GRIA3: variants seen among roughly 807,000 people sequenced by gnomAD.
GRIA3 encodes the protein glutamate receptor 3.
In GRIA3, 3 loss-of-function variants were observed where a neutral mutation model predicts 63.0. The ratio of observed to expected loss-of-function variants is 0.05; its 90% CI spans 0.02 to 0.12. The LOEUF (loss-of-function observed/expected upper bound fraction) is 0.12. GRIA3 is among the 10% of genes least tolerant of loss of function. The probability of loss-of-function intolerance (pLI) is 1.00; values close to 1 mark genes in which losing one functional copy is unlikely to be tolerated. For synonymous variants in GRIA3, 274 were observed against 257.9 expected, an observed-to-expected ratio of 1.06 and a Z score of -0.60; for missense variants, 347 against 700.9, an observed-to-expected ratio of 0.50 and a Z score of 5.70.
intron 2 of GRIA3, among the ~76,000 whole-genome samples, chrX:123,198,716 C>A (rs923622446): frequency 8.9e-6 from 1 of 111,956 alleles, no homozygotes; most frequent in Non-Finnish European, 1.9e-5. Context: ...CCTAATCATG[C>A]CACCATTAAG....
rs747857608 is a variant in GRIA3 at position 123,439,032 on chromosome X, G to A, written c.2076+10893G>A. ...GAAGTTGAGGAGGAGGTATATGTAT[G>A]TATGCATGTGTCAAAAAAGATCTAA... On this transcript the variant is annotated intron_variant, in intron 12 of 15. Transcript: ENST00000620443. Among the ~76,000 whole-genome samples, 12 of 111,867 alleles carry A rather than the reference G, an allele frequency of 1.1e-4. No homozygotes were observed. In the Admixed American group the frequency reaches 1.1e-3, roughly 11 times the overall value.
intron 5 of GRIA3, among the ~76,000 whole-genome samples, chrX:123,387,092 C>T (rs1416657736): frequency 9.0e-6 from 1 of 111,420 alleles, no homozygotes; most frequent in Non-Finnish European, 1.9e-5. Context: ...AATCCATGAG[C>T]GTGGGGTGTC....
chrX:123,190,986 T>G (rs1927417455), intron 2 of GRIA3, among the ~76,000 whole-genome samples: 2 of 112,267 alleles, frequency 1.8e-5, no homozygotes, highest in Non-Finnish European at 3.8e-5. Flanking sequence ...GTTAAAGAGA[T>G]TTGTCATTTT....
At chrX:123,444,454 C>T in intron 12 of GRIA3, among the ~76,000 whole-genome samples, 1 of 112,229 alleles carries the variant, frequency 8.9e-6, no homozygotes, top group East Asian at 2.8e-4. Flanking sequence ...TACTCCCTTT[C>T]TCTTTGCCTA....
At chrX:123,395,592 T>C (rs2045409034) in intron 6 of GRIA3, among the ~76,000 whole-genome samples, 1 of 112,008 alleles carries the variant, frequency 8.9e-6, no homozygotes, top group East Asian at 2.8e-4. Flanking sequence ...TGCCTATATG[T>C]ATATTGAATG....
At chrX:123,241,494 TA>T (rs2044329673) in intron 2 of GRIA3, among the ~76,000 whole-genome samples, 1 of 111,290 alleles carries the variant, frequency 9.0e-6, no homozygotes, top group South Asian at 3.8e-4. Context: ...TGTTTTGTTT[TA>T]TTTTTTAAAA....
chrX:123,201,090 T>C (rs1015934366), intron 2 of GRIA3, among the ~76,000 whole-genome samples: 2 of 112,360 alleles, frequency 1.8e-5, no homozygotes, highest in African/African-American at 6.5e-5. Flanking sequence ...GGAAAGTGAA[T>C]ACTCAACAAA....
intron 3 of GRIA3, among the ~76,000 whole-genome samples, chrX:123,290,744 G>A (rs940119311): frequency 8.1e-5 from 9 of 110,600 alleles, no homozygotes; most frequent in Non-Finnish European, 1.5e-4. Flanking sequence ...GCTCTTTTTC[G>A]CATTACTTTT....
At chrX:123,197,074 G>C (rs1022270824) in intron 2 of GRIA3, among the ~76,000 whole-genome samples, 1 of 112,246 alleles carries the variant, frequency 8.9e-6, no homozygotes, top group African/African-American at 3.2e-5. Context: ...GTGGTGGAAT[G>C]AACAATGGGA....
rs570201736 is a variant in GRIA3, at chrX:123,413,532, C to CAAAAA, written c.1501-3836_1501-3832dup. 1.9e-4 allele frequency among the ~76,000 whole-genome samples: 3 copies of CAAAAA among 15,881 alleles called. 1 individual carries two copies. Among genetic ancestry groups the CAAAAA allele is most frequent in the African/African-American group, 3.1e-4 (2 of 6,417 alleles). The allele number at this position is 15,881 out of a possible 115,157, so 13.8% of individuals were successfully genotyped here. On this transcript the variant is annotated intron_variant, in intron 10 of 15. Transcript: ENST00000620443. Reference sequence around the variant, plus strand: ...TCTAACTGATTCAGACTCTCTCTGCCAAAAAAAAAAAAAAAAAAAAAAAAA... The same window carrying CAAAAA: ...TCTAACTGATTCAGACTCTCTCTGCCAAAAAAAAAAAAAAAAAAAAAAAAAAAAAA...
chrX:123,304,502 G>A (rs935057568), intron 3 of GRIA3, among the ~76,000 whole-genome samples: 2 of 111,760 alleles, frequency 1.8e-5, no homozygotes, highest in South Asian at 3.7e-4. Context: ...TACCTCAGTG[G>A]AAAATATTTC....
intron 3 of GRIA3, among the ~76,000 whole-genome samples, chrX:123,288,774 T>C (rs2147305988): frequency 8.9e-6 from 1 of 111,969 alleles, no homozygotes; most frequent in East Asian, 2.8e-4. Flanking sequence ...AAACAACAGA[T>C]GCTGGAGAGG....
intron 3 of GRIA3, among the ~76,000 whole-genome samples, chrX:123,260,527 AG>A (rs1252524094): frequency 8.9e-4 from 54 of 60,859 alleles, no homozygotes; most frequent in Middle Eastern, 7.7e-3. Context: ...AAAGAAAGAA[AG>A]GAAAGAAAGA....
intron 13 of GRIA3, among the ~76,000 whole-genome samples, chrX:123,471,990 CAT>C (rs760824587): frequency 0.043 from 575 of 13,399 alleles, 62 homozygotes; most frequent in African/African-American, 0.095. Flanking sequence ...CAATGGCATT[CAT>C]ATATATATAT....
chrX:123,480,231 G>A, intron 14 of GRIA3, 54 bp downstream of exon 14: 1 of 791,095 alleles, frequency 1.3e-6, no homozygotes, highest in African/African-American at 2.0e-5. Flanking sequence ...TTGACCCACT[G>A]TTTATTTTCT....
intron 12 of GRIA3, among the ~76,000 whole-genome samples, chrX:123,435,828 C>T (rs1484035822): frequency 8.9e-6 from 1 of 112,252 alleles, no homozygotes; most frequent in East Asian, 2.8e-4. Context: ...TCCACATCCA[C>T]TGATGACTTT....
chrX:123,350,306 C>T (rs766899229), intron 4 of GRIA3, among the ~76,000 whole-genome samples: 2 of 109,803 alleles, frequency 1.8e-5, no homozygotes, highest in Non-Finnish European at 3.8e-5. Context: ...CCTTTTTTGG[C>T]GCTGATGTAG....
At chrX:123,194,722 G>T (rs1441352031) in intron 2 of GRIA3, among the ~76,000 whole-genome samples, 1 of 112,182 alleles carries the variant, frequency 8.9e-6, no homozygotes, top group Non-Finnish European at 1.9e-5. Context: ...CGATACTAAC[G>T]CATACTCAGT....
intron 2 of GRIA3, among the ~76,000 whole-genome samples, chrX:123,191,336 T>C: frequency 8.9e-6 from 1 of 111,887 alleles, no homozygotes; most frequent in Non-Finnish European, 1.9e-5. Flanking sequence ...GTGATAGGTA[T>C]TCTTCAGCAG....
Sources: gnomAD v4.1 joint callset for allele counts (sites outside exome capture counted in the v4.1 genomes callset) on GRCh38, gnomAD v4.1.1 for gene constraint, MANE v1.5 for transcripts, NCBI Gene and HGNC (gene_info 2026-07-23, HGNC 2026-07-21) for gene names.